DENND2B: variants seen among roughly 807,000 people sequenced by gnomAD.
DENND2B encodes DENN domain containing 2B, also known as DENN domain-containing protein 2B.
In DENND2B, 32 loss-of-function variants were observed where a neutral mutation model predicts 116.0. The ratio of observed to expected loss-of-function variants is 0.28; its 90% CI spans 0.21 to 0.37. The LOEUF is 0.37. Ranked by LOEUF, DENND2B falls within the 10% of genes least tolerant of loss-of-function variation. The pLI is 1.00. For synonymous variants in DENND2B, 588 were observed against 583.9 expected, an observed-to-expected ratio of 1.01 and a Z score of -0.10; for missense variants, 1,276 against 1,477.7, an observed-to-expected ratio of 0.86 and a Z score of 2.24.
Position 8,699,973 on chromosome 11 carries a change from C to A in DENND2B, c.2721-583G>T, listed in dbSNP as rs1391096691. 6 of 456,156 alleles carry A rather than the reference C, an allele frequency of 1.3e-5. No homozygotes were observed. In the East Asian group the frequency reaches 2.1e-4, roughly 16 times the overall value. 28.3% of individuals were successfully genotyped at this position (456,156 alleles called of 1,614,324 possible). A position where few individuals can be genotyped will look rare whatever the true frequency, so the allele number is the denominator to read the frequency against. Reference sequence around the variant, plus strand: ...CAGGCCAAGAACAAGACCTTGGGATCGTCCCTCCCAGAATGGTCCTGGAAT... The same window carrying A: ...CAGGCCAAGAACAAGACCTTGGGATAGTCCCTCCCAGAATGGTCCTGGAAT... On this transcript the variant is annotated intron_variant, in intron 14 of 19. Transcript: ENST00000313726.
chr11:8,813,702 C>A (rs2061472951), upstream of DENND2B, among the ~76,000 whole-genome samples: 1 of 152,144 alleles, frequency 6.6e-6, no homozygotes, highest in African/African-American at 2.4e-5. Flanking sequence ...CAAGTCAGTT[C>A]CTGAAGTAAT....
chr11:8,868,905 C>A (rs111297198), intron 2 of DENND2B, among the ~76,000 whole-genome samples: 4 of 152,234 alleles, frequency 2.6e-5, no homozygotes, highest in African/African-American at 9.6e-5. Flanking sequence ...GTCCAACCTG[C>A]GGCCCATGGG....
intron 13 of DENND2B, among the ~76,000 whole-genome samples, chr11:8,704,743 G>A (rs990831650): frequency 3.9e-5 from 6 of 152,150 alleles, no homozygotes; most frequent in African/African-American, 1.4e-4. Flanking sequence ...TGTCGCCCAG[G>A]CTGGAGTGCA....
intron 9 of DENND2B, chr11:8,711,836 C>G: frequency 2.9e-6 from 1 of 344,864 alleles, no homozygotes. Flanking sequence ...CATTGCACTC[C>G]AGCCTCTGTA....
chr11:8,801,668 CT>C (rs1285200245), intron 1 of DENND2B, among the ~76,000 whole-genome samples: 2 of 76,012 alleles, frequency 2.6e-5, no homozygotes, highest in Non-Finnish European at 5.4e-5. Context: ...CAGGGCAAGA[CT>C]TTGTCTCAAA....
In DENND2B at chr11:8,719,692, C is replaced by T. The variant is rs546969961; in HGVS notation, c.1478-1800G>A. ...TCTCTACTTCTTGATCCTTCCCCAA[C>T]ATATGCCCTGCAGGAGTGAGGAGGT... On this transcript the variant is annotated intron_variant, in intron 4 of 19. Coordinates refer to ENST00000313726, the MANE Select transcript of DENND2B (RefSeq NM_213618.2). Among the ~76,000 whole-genome samples, 4 of 152,322 alleles carry T rather than the reference C, an allele frequency of 2.6e-5. No homozygotes were observed. The East Asian group carries it at 7.7e-4, about 29-fold the overall frequency.
chr11:8,752,926 T>C (rs2052802112), intron 1 of DENND2B, among the ~76,000 whole-genome samples: 2 of 152,156 alleles, frequency 1.3e-5, no homozygotes, highest in African/African-American at 2.4e-5. Context: ...ATGTGCAGGA[T>C]ACAAAATCAA....
chr11:8,905,975 T>G (rs139981138), intron 1 of DENND2B, among the ~76,000 whole-genome samples: 24 of 151,306 alleles, frequency 1.6e-4, no homozygotes, highest in African/African-American at 5.6e-4. Context: ...AAAGGCGAAT[T>G]CATAAGACAG....
chr11:8,814,252 A>G (rs1292978401), upstream of DENND2B, among the ~76,000 whole-genome samples: 1 of 142,956 alleles, frequency 7.0e-6, no homozygotes, highest in Non-Finnish European at 1.5e-5. Flanking sequence ...AAGTCATTAG[A>G]GCTGTCTGAA....
At chr11:8,716,279 T>C (rs2044756857) in intron 5 of DENND2B, among the ~76,000 whole-genome samples, 1 of 152,186 alleles carries the variant, frequency 6.6e-6, no homozygotes, top group Non-Finnish European at 1.5e-5. Flanking sequence ...CTGGCCCTCC[T>C]AACTGCTCCC....
chr11:8,825,924 A>G (rs1435265903), intron 4 of DENND2B, among the ~76,000 whole-genome samples: 1 of 152,192 alleles, frequency 6.6e-6, no homozygotes, highest in Admixed American at 6.5e-5. Flanking sequence ...GGTTAGAACA[A>G]AAGTGTTTCC....
chr11:8,772,005 T>C (rs996349730), intron 1 of DENND2B: 2 of 152,034 alleles, frequency 1.3e-5, no homozygotes, highest in Non-Finnish European at 2.9e-5. Flanking sequence ...ATTCAAAATA[T>C]GGCATGCCGA....
chr11:8,850,228 T>A (rs1449347845), intron 3 of DENND2B, among the ~76,000 whole-genome samples: 8 of 152,182 alleles, frequency 5.3e-5, no homozygotes, highest in Admixed American at 5.2e-4. Context: ...GTGAAAAACA[T>A]ATGTAGTATA....
In DENND2B at chr11:8,755,834, T is replaced by C. The variant is rs555642308; in HGVS notation, c.-25-5109A>G. Among the ~76,000 whole-genome samples, 43 of 152,236 alleles carry C rather than the reference T, an allele frequency of 2.8e-4. 1 individual carries two copies. Among genetic ancestry groups the C allele is most frequent in the African/African-American group, 8.4e-4 (35 of 41,556 alleles). On this transcript the variant is annotated intron_variant, in intron 1 of 19. Coordinates refer to ENST00000313726, the MANE Select transcript of DENND2B (RefSeq NM_213618.2). ...AATAGCATAACATTAGTGATGGTGA[T>C]GATGATGATGATGATAAAGTCAATC...
intron 1 of DENND2B, among the ~76,000 whole-genome samples, chr11:8,896,405 T>C (rs1050047700): frequency 6.6e-6 from 1 of 152,176 alleles, no homozygotes; most frequent in East Asian, 1.9e-4. Context: ...AATTGGAATA[T>C]ATTAATTTTT....
At chr11:8,754,029 G>GCGCACACACACA (rs146486674) in intron 1 of DENND2B, among the ~76,000 whole-genome samples, 8,274 of 138,730 alleles carry the variant, frequency 0.06, 275 homozygotes, top group African/African-American at 0.083. Flanking sequence ...CCAAAAGCGC[G>GCGCACACACACA]CACACACACA....
At chr11:8,795,737 C>G (rs2059757842) in intron 1 of DENND2B, among the ~76,000 whole-genome samples, 1 of 152,190 alleles carries the variant, frequency 6.6e-6, no homozygotes, top group East Asian at 1.9e-4. Context: ...AAATGTGTTT[C>G]CTTCCTGCTT....
chr11:8,750,288 T>G (rs1034543635), intron 2 of DENND2B, among the ~76,000 whole-genome samples: 2 of 152,088 alleles, frequency 1.3e-5, no homozygotes, highest in African/African-American at 4.8e-5. Flanking sequence ...TCAGCCTCCC[T>G]CACTACAGTG....
intron 13 of DENND2B, among the ~76,000 whole-genome samples, chr11:8,706,209 C>T (rs1224356828): frequency 1.3e-5 from 2 of 152,204 alleles, no homozygotes; most frequent in African/African-American, 4.8e-5. Flanking sequence ...AGCACCACTG[C>T]ACTCCAGCAC....
Sources: gnomAD v4.1 joint callset for allele counts (sites outside exome capture counted in the v4.1 genomes callset) on GRCh38, gnomAD v4.1.1 for gene constraint, MANE v1.5 for transcripts, NCBI Gene and HGNC (gene_info 2026-07-23, HGNC 2026-07-21) for gene names.